Variants in PCP4L1 observed in about 807,000 individuals in gnomAD.
The protein encoded by PCP4L1 is Purkinje cell protein 4-like protein 1.
In PCP4L1, 9 loss-of-function variants were observed where a neutral mutation model predicts 9.6. That is an observed-to-expected ratio of 0.94 (90% confidence interval 0.57 to 1.64). The LOEUF (loss-of-function observed/expected upper bound fraction) is 1.64, where lower values mean the gene tolerates loss of function less well. Among genes scored for constraint, PCP4L1 ranks in the 40% most tolerant of loss-of-function variants. PCP4L1 has a pLI of 0.00. For missense variants in PCP4L1, 81 were observed against 80.8 expected, an observed-to-expected ratio of 1.00 and a Z score of -0.01; for synonymous variants, 31 against 28.2, an observed-to-expected ratio of 1.10 and a Z score of -0.31.
At chr1:161,264,080 T>C (rs1306100718) in intron 1 of PCP4L1, among the ~76,000 whole-genome samples, 2 of 151,664 alleles carry the variant, frequency 1.3e-5, no homozygotes, top group African/African-American at 4.8e-5. Flanking sequence ...CGGGTAATTT[T>C]TGTATTTTTT....
chr1:161,284,615 TGGCC>T lies in PCP4L1; in HGVS notation c.*135_*138del. On this transcript the variant is annotated 3_prime_UTR_variant, in exon 3 of 3. Transcript: ENST00000504449. ...TTCAACCTTTATATACTCTTGTATC[TGGCC>T]CCCTCAAGCCATCACAGAAGTAGAG... 1.6e-6 allele frequency: 2 copies of T among 1,224,962 alleles called. No homozygotes were observed. The highest frequency in any genetic ancestry group is 2.3e-6 in the Non-Finnish European group (2 of 887,860). The allele number at this position is 1,224,962 out of a possible 1,614,324, so 75.9% of individuals were successfully genotyped here. A position where few individuals can be genotyped will look rare whatever the true frequency, so the allele number is the denominator to read the frequency against.
intron 1 of PCP4L1, among the ~76,000 whole-genome samples, chr1:161,261,221 A>G (rs1669411898): frequency 6.6e-6 from 1 of 152,190 alleles, no homozygotes; most frequent in Admixed American, 6.5e-5. Context: ...GCATGAAGTG[A>G]GACAATTTGG....
At chr1:161,279,848 T>A (rs1435728861) in intron 1 of PCP4L1, among the ~76,000 whole-genome samples, 5 of 152,122 alleles carry the variant, frequency 3.3e-5, no homozygotes, top group Non-Finnish European at 7.4e-5. Context: ...TATTTTTTTT[T>A]AAAGAGCTAG....
chr1:161,284,839 C>T lies in PCP4L1; in HGVS notation c.*358C>T. 3.8e-6 allele frequency: 1 copy of T among 265,746 alleles called. No homozygotes were observed. Among genetic ancestry groups the T allele is most frequent in the East Asian group, 7.8e-5 (1 of 12,756 alleles). The allele number at this position is 265,746 out of a possible 1,614,324, so 16.5% of individuals were successfully genotyped here. A position where few individuals can be genotyped will look rare whatever the true frequency, so the allele number is the denominator to read the frequency against. ...AGGGGAAGGCTTTCAGAGTAGGGTGCCTGAGGGTGGGACATATGCACTGTT... is the reference window on the plus strand; with the variant it reads ...AGGGGAAGGCTTTCAGAGTAGGGTGTCTGAGGGTGGGACATATGCACTGTT... On this transcript the variant is annotated 3_prime_UTR_variant, in exon 3 of 3. Coordinates refer to ENST00000504449, the MANE Select transcript of PCP4L1 (RefSeq NM_001102566.2).
At chr1:161,275,477 C>T (rs1016232190) in intron 1 of PCP4L1, among the ~76,000 whole-genome samples, 5 of 141,158 alleles carry the variant, frequency 3.5e-5, no homozygotes, top group Non-Finnish European at 6.0e-5. Flanking sequence ...GATCGCGCCA[C>T]TGCACTCTAG....
chr1:161,279,900 C>A (rs540556986), intron 1 of PCP4L1, among the ~76,000 whole-genome samples: 3 of 152,246 alleles, frequency 2.0e-5, no homozygotes, highest in Admixed American at 1.3e-4. Context: ...AACTCCTGGG[C>A]TCAAGGGATC....
intron 1 of PCP4L1, among the ~76,000 whole-genome samples, chr1:161,271,711 C>T (rs1669627838): frequency 6.6e-6 from 1 of 152,168 alleles, no homozygotes; most frequent in Non-Finnish European, 1.5e-5. Flanking sequence ...ACCATGTTGG[C>T]CAGGCTGGTC....
chr1:161,268,678 T>G (rs1669574583), intron 1 of PCP4L1, among the ~76,000 whole-genome samples: 1 of 150,340 alleles, frequency 6.7e-6, no homozygotes, highest in African/African-American at 2.4e-5. Flanking sequence ...GCCTCCCAGA[T>G]AGCTGGGATT....
chr1:161,269,590 AG>A (rs1369040849), intron 1 of PCP4L1, among the ~76,000 whole-genome samples: 1 of 152,226 alleles, frequency 6.6e-6, no homozygotes, highest in Non-Finnish European at 1.5e-5. Flanking sequence ...AAAAGGAGGC[AG>A]GGATAAGAGA....
At chr1:161,260,160 TG>T (rs1669392244) in intron 1 of PCP4L1, among the ~76,000 whole-genome samples, 1 of 151,914 alleles carries the variant, frequency 6.6e-6, no homozygotes, top group African/African-American at 2.4e-5. Flanking sequence ...CCCTGGAGCC[TG>T]GGTTCCAGTT....
chr1:161,272,783 A>G (rs185664091), intron 1 of PCP4L1, among the ~76,000 whole-genome samples: 27 of 152,146 alleles, frequency 1.8e-4, no homozygotes, highest in African/African-American at 6.3e-4. Context: ...GAGAGAGTAA[A>G]GGGAACTGAT....
intron 1 of PCP4L1, among the ~76,000 whole-genome samples, chr1:161,275,736 T>A (rs1366874721): frequency 6.6e-6 from 1 of 151,694 alleles, no homozygotes; most frequent in Non-Finnish European, 1.5e-5. Flanking sequence ...TAACCTATGA[T>A]CCTCTTGTCT....
At chr1:161,268,276 T>G (rs1669565431) in intron 1 of PCP4L1, among the ~76,000 whole-genome samples, 1 of 151,922 alleles carries the variant, frequency 6.6e-6, no homozygotes, top group African/African-American at 2.4e-5. Context: ...AAAAAAAAAG[T>G]ATTTATGAAA....
intron 1 of PCP4L1, among the ~76,000 whole-genome samples, chr1:161,283,087 A>G (rs976402478): frequency 1.3e-5 from 2 of 152,076 alleles, no homozygotes; most frequent in Non-Finnish European, 2.9e-5. Context: ...ACCCCCAGTT[A>G]ACTCTGTTCT....
chr1:161,262,127 T>C (rs1234957316), intron 1 of PCP4L1, among the ~76,000 whole-genome samples: 1 of 152,152 alleles, frequency 6.6e-6, no homozygotes, highest in East Asian at 1.9e-4. Flanking sequence ...GTCTAGTCAC[T>C]TACTGCTATT....
intron 1 of PCP4L1, among the ~76,000 whole-genome samples, chr1:161,270,390 GC>G (rs1669602890): frequency 1.3e-5 from 2 of 152,012 alleles, no homozygotes; most frequent in Admixed American, 6.6e-5. Context: ...TCATGTCAGA[GC>G]CAACTGTGTT....
chr1:161,265,901 C>A (rs896903385), intron 1 of PCP4L1, among the ~76,000 whole-genome samples: 1 of 151,870 alleles, frequency 6.6e-6, no homozygotes, highest in African/African-American at 2.4e-5. Context: ...CCACGCCCGG[C>A]TAATTTTTTT....
At chr1:161,274,577 G>C (rs4657002) in intron 1 of PCP4L1, among the ~76,000 whole-genome samples, 69,571 of 151,908 alleles carry the variant, frequency 0.46, 16,349 homozygotes, top group East Asian at 0.64. Context: ...AGTATGGTTA[G>C]TCTGATGGCT....
At chr1:161,271,786 G>A (rs1029954416) in intron 1 of PCP4L1, among the ~76,000 whole-genome samples, 3 of 151,878 alleles carry the variant, frequency 2.0e-5, no homozygotes, top group African/African-American at 7.3e-5. Flanking sequence ...ACAAGTGTGA[G>A]CCACTGTGCC....
Sources: allele counts gnomAD v4.1 joint callset (sites outside exome capture counted in the v4.1 genomes callset), GRCh38; gene constraint gnomAD v4.1.1; transcripts MANE v1.5; gene names NCBI Gene and HGNC (gene_info 2026-07-23, HGNC 2026-07-21).